The following SLC33A1 variants were observed in gnomAD, a reference collection of about 807,000 sequenced individuals.
SLC33A1 encodes solute carrier family 33 member 1, also known as acetyl-coenzyme A transporter 1.
SLC33A1 carries 20 observed loss-of-function variants against 50.0 expected under a neutral mutation model. The observed-to-expected ratio is 0.40, with a 90% CI of 0.28 to 0.58. The LOEUF (loss-of-function observed/expected upper bound fraction) is 0.58, where lower values mean the gene tolerates loss of function less well. SLC33A1 is among the 20% of genes least tolerant of loss of function. SLC33A1 has a pLI of 0.44. For synonymous variants in SLC33A1, 265 were observed against 251.8 expected, an observed-to-expected ratio of 1.05 and a Z score of -0.50; for missense variants, 476 against 657.0, an observed-to-expected ratio of 0.72 and a Z score of 3.01.
At chr3:155,848,056 A>G (rs1423238820) in intron 1 of SLC33A1, among the ~76,000 whole-genome samples, 1 of 152,188 alleles carries the variant, frequency 6.6e-6, no homozygotes, top group Non-Finnish European at 1.5e-5. Context: ...GAGGGCCTCA[A>G]TTACCAGTTT....
chr3:155,833,519 T>A lies in SLC33A1; in HGVS notation c.1215A>T (p.Gly405=), dbSNP rs201719045. ...WWTPKVEHQG[G]FPIYYYIVVL... is the part of the protein sequence containing the mutation. ...CTACGATATAGTAATATATAGGGAATCCCCCTTGATGTTCTACTTTAGGAG... is the reference window on the plus strand; with the variant it reads ...CTACGATATAGTAATATATAGGGAAACCCCCTTGATGTTCTACTTTAGGAG... The change falls in exon 4 of 6, where the codon GGA becomes GGT. Residue 405 remains glycine (G), a synonymous_variant. Coordinates refer to ENST00000643144, the MANE Select transcript of SLC33A1 (RefSeq NM_004733.4). The A allele has an allele frequency of 6.2e-7, 1 of 1,603,772 alleles. No individual in the cohort carries two copies. Among genetic ancestry groups the A allele is most frequent in the Non-Finnish European group, 8.5e-7 (1 of 1,170,774 alleles).
intron 4 of SLC33A1, among the ~76,000 whole-genome samples, chr3:155,832,310 G>A (rs975082784): frequency 1.3e-5 from 2 of 151,862 alleles, no homozygotes; most frequent in Admixed American, 6.6e-5. Flanking sequence ...CCCTGGAGGC[G>A]GAGGTTGCGG....
intron 4 of SLC33A1, 29 bp from the exon 5 acceptor site, chr3:155,829,932 A>G (rs765176319): frequency 1.4e-6 from 2 of 1,383,642 alleles, no homozygotes; most frequent in Non-Finnish European, 2.1e-6. Context: ...CATCTTTAGT[A>G]TGATTATAAA....
rs1752125227 is a variant in SLC33A1, at chr3:155,823,016, A to G, written c.*5194T>C. 1 of 152,182 alleles carries G rather than the reference A, an allele frequency of 6.6e-6. No individual in the cohort carries two copies. Among genetic ancestry groups the G allele is most frequent in the Non-Finnish European group, 1.5e-5 (1 of 68,026 alleles). The allele number at this position is 152,182 out of a possible 1,614,324, so 9.4% of individuals were successfully genotyped here. On this transcript the variant is annotated 3_prime_UTR_variant, in exon 6 of 6. Coordinates refer to ENST00000643144, the MANE Select transcript of SLC33A1 (RefSeq NM_004733.4). Reference sequence around the variant, plus strand: ...CACCCAGCCCATAGACTTTTCATTTACTATATAAAGTCTTTTTCTCCTACA... The same window carrying G: ...CACCCAGCCCATAGACTTTTCATTTGCTATATAAAGTCTTTTTCTCCTACA...
intron 1 of SLC33A1, among the ~76,000 whole-genome samples, chr3:155,846,948 C>CTCA: frequency 6.6e-6 from 1 of 151,810 alleles, no homozygotes; most frequent in African/African-American, 2.4e-5. Context: ...TGGCTCATGC[C>CTCA]TGTAATCCCA....
chr3:155,853,111 G>T, intron 1 of SLC33A1, 112 bp downstream of exon 1: 1 of 983,596 alleles, frequency 1.0e-6, no homozygotes, highest in Non-Finnish European at 1.6e-6. Context: ...AACTTACCTT[G>T]AGTTATCTCC....
At chr3:155,833,825 T>C in intron 3 of SLC33A1, 32 bp downstream of exon 3, 2 of 1,536,716 alleles carry the variant, frequency 1.3e-6, no homozygotes, top group Middle Eastern at 1.7e-4. Context: ...TTTTACCCTT[T>C]CTTATTTAGT....
At chr3:155,848,399 C>G (rs1468052270) in intron 1 of SLC33A1, among the ~76,000 whole-genome samples, 2 of 152,156 alleles carry the variant, frequency 1.3e-5, no homozygotes, top group African/African-American at 2.4e-5. Flanking sequence ...ATCTAGCAAT[C>G]TTGCCGGGCA....
intron 2 of SLC33A1, among the ~76,000 whole-genome samples, chr3:155,838,045 G>A (rs1031982258): frequency 3.9e-5 from 6 of 152,156 alleles, no homozygotes; most frequent in African/African-American, 4.8e-5. Flanking sequence ...GCTCACACCT[G>A]TAATCCCAGC....
At chr3:155,829,440 C>T (rs1224381353) in intron 5 of SLC33A1, among the ~76,000 whole-genome samples, 5 of 152,076 alleles carry the variant, frequency 3.3e-5, no homozygotes, top group African/African-American at 4.8e-5. Flanking sequence ...GGACAGTGAT[C>T]GTCAAGGTGG....
chr3:155,843,728 T>C (rs1478266069), intron 1 of SLC33A1, among the ~76,000 whole-genome samples: 1 of 152,172 alleles, frequency 6.6e-6, no homozygotes, highest in Non-Finnish European at 1.5e-5. Context: ...GTGAACAAAC[T>C]AAGGCTTAGG....
At chr3:155,833,758 T>A (rs1307666244) in intron 3 of SLC33A1, 99 bp downstream of exon 3, 4 of 1,089,144 alleles carry the variant, frequency 3.7e-6, no homozygotes, top group Non-Finnish European at 5.6e-6. Context: ...TTTCAAATCT[T>A]TTTCCATATA....
rs1752983157 is a variant in SLC33A1, at chr3:155,842,784, G to A, written c.776-165C>T. 3 of 425,342 alleles carry A rather than the reference G, an allele frequency of 7.1e-6. No homozygotes were observed. The South Asian group carries it at 9.7e-5, about 14-fold the overall frequency. The allele number at this position is 425,342 out of a possible 1,614,324, so 26.3% of individuals were successfully genotyped here. On this transcript the variant is annotated intron_variant, in intron 1 of 5. Transcript: ENST00000643144. ...AGCACTTTGGGAGGCCAAGGTGGGA[G>A]GATTACTTGAACTCAGAAATTCAAG...
At chr3:155,829,463 T>G (rs1752323080) in intron 5 of SLC33A1, among the ~76,000 whole-genome samples, 1 of 152,150 alleles carries the variant, frequency 6.6e-6, no homozygotes, top group Non-Finnish European at 1.5e-5. Context: ...GAAAGAGAGA[T>G]CGCCTCTCCT....
chr3:155,831,882 T>C (rs1331872027), intron 4 of SLC33A1, among the ~76,000 whole-genome samples: 1 of 152,236 alleles, frequency 6.6e-6, no homozygotes, highest in African/African-American at 2.4e-5. Flanking sequence ...TGCACAAAAC[T>C]ACTGAGATTA....
At chr3:155,842,207 T>C (rs568186527) in intron 2 of SLC33A1, among the ~76,000 whole-genome samples, 2 of 152,342 alleles carry the variant, frequency 1.3e-5, no homozygotes, top group South Asian at 2.1e-4. Flanking sequence ...AGTTCTCCAA[T>C]GGACATAATT....
chr3:155,842,636 T>C lies in SLC33A1; in HGVS notation c.776-17A>G. 1 of 1,304,358 alleles carries C rather than the reference T, an allele frequency of 7.7e-7. No homozygotes were observed. The highest frequency in any genetic ancestry group is 1.5e-5 in the African/African-American group (1 of 66,336). 80.8% of individuals were successfully genotyped at this position (1,304,358 alleles called of 1,614,324 possible). ...AAAGGAAATCTGAAAATGTTTTAAA[T>C]CTATAATTAATTTTTAAAATTACAT... On this transcript the variant is annotated splice_polypyrimidine_tract_variant and intron_variant, in intron 1 of 5. Transcript: ENST00000643144.
At chr3:155,833,609 T>TTACACAAAATTAGCTGGGCGTGGTG in intron 3 of SLC33A1, 24 bp from the exon 4 acceptor site, 1 of 1,339,260 alleles carries the variant, frequency 7.5e-7, no homozygotes, top group Non-Finnish European at 1.1e-6. Flanking sequence ...AACATTGAGT[T>TTACACAAAATTAGCTGGGCGTGGTG]GACTTCCATT....
chr3:155,846,988 A>C (rs1172439993), intron 1 of SLC33A1, among the ~76,000 whole-genome samples: 1 of 151,268 alleles, frequency 6.6e-6, no homozygotes, highest in East Asian at 2.0e-4. Context: ...CAGGTGGATC[A>C]CTTGAGGTCA....
Sources: gnomAD v4.1 joint callset for allele counts (sites outside exome capture counted in the v4.1 genomes callset) on GRCh38, gnomAD v4.1.1 for gene constraint, MANE v1.5 for transcripts, NCBI Gene and HGNC (gene_info 2026-07-23, HGNC 2026-07-21) for gene names.